ADAMTSL3: variants seen among roughly 807,000 people sequenced by gnomAD.
The protein encoded by ADAMTSL3 is ADAMTS-like protein 3.
ADAMTSL3 carries 128 observed loss-of-function variants against 201.7 expected under a neutral mutation model. That is an observed-to-expected ratio of 0.63 (90% CI 0.55 to 0.73). The LOEUF (loss-of-function observed/expected upper bound fraction) is 0.73. Ranked by LOEUF, ADAMTSL3 falls within the 30% of genes least tolerant of loss-of-function variation. The probability of loss-of-function intolerance (pLI) is 0.00; values close to 1 mark genes in which losing one functional copy is unlikely to be tolerated. For missense variants in ADAMTSL3, 1,990 were observed against 2,119.6 expected (o/e 0.94, Z 1.20); for synonymous variants, 738 against 748.4 (o/e 0.99, Z 0.23).
At chr15:83,733,574 G>A (rs143635172) in intron 3 of ADAMTSL3, among the ~76,000 whole-genome samples, 3,244 of 152,210 alleles carry the variant, frequency 0.021, 52 homozygotes, top group South Asian at 0.031. Context: ...AAGTTTGTGG[G>A]TCTAGAGGTT....
intron 2 of ADAMTSL3, among the ~76,000 whole-genome samples, chr15:83,693,722 A>G (rs189549033): frequency 1.3e-5 from 2 of 152,290 alleles, no homozygotes; most frequent in South Asian, 2.1e-4. Flanking sequence ...TTACTTCTCT[A>G]TTATGTTTAT....
intron 28 of ADAMTSL3, among the ~76,000 whole-genome samples, chr15:84,034,193 CT>C (rs137929976): frequency 0.012 from 1,898 of 152,268 alleles, 33 homozygotes; most frequent in African/African-American, 0.043. Flanking sequence ...TTTTAGCCCC[CT>C]TTTCCCCACA....
At chr15:83,838,286 C>A in intron 7 of ADAMTSL3, 71 bp downstream of exon 7, 1 of 1,515,234 alleles carries the variant, frequency 6.6e-7, no homozygotes, top group Non-Finnish European at 8.8e-7. Context: ...GCTAGAATAA[C>A]ATTTTCTGAA....
chr15:84,004,665 G>C (rs779636864), intron 23 of ADAMTSL3, among the ~76,000 whole-genome samples: 45 of 152,192 alleles, frequency 3.0e-4, no homozygotes, highest in Non-Finnish European at 5.0e-4. Context: ...TCCATGCTCT[G>C]GGCTCATTCT....
intron 5 of ADAMTSL3, among the ~76,000 whole-genome samples, chr15:83,811,199 G>T (rs1322451297): frequency 6.6e-6 from 1 of 152,148 alleles, no homozygotes; most frequent in Non-Finnish European, 1.5e-5. Context: ...AGGTTCCAGG[G>T]GTTAGGTCAT....
At chr15:84,005,281 G>T (rs2067873766) in intron 23 of ADAMTSL3, among the ~76,000 whole-genome samples, 1 of 152,156 alleles carries the variant, frequency 6.6e-6, no homozygotes, top group African/African-American at 2.4e-5. Context: ...CTGGCTAATA[G>T]CTATTTGTTC....
At chr15:83,655,266 G>T (rs2061063297) in intron 1 of ADAMTSL3, among the ~76,000 whole-genome samples, 1 of 152,204 alleles carries the variant, frequency 6.6e-6, no homozygotes, top group South Asian at 2.1e-4. Flanking sequence ...ACTATCAGAA[G>T]ATCTGCGTTT....
At chr15:83,766,812 T>TG (rs2062899327) in intron 3 of ADAMTSL3, among the ~76,000 whole-genome samples, 1 of 152,198 alleles carries the variant, frequency 6.6e-6, no homozygotes. Context: ...TTATAGATGA[T>TG]GGCTGGGCGT....
chr15:83,860,349 G>T (rs1432966858), intron 8 of ADAMTSL3, among the ~76,000 whole-genome samples: 1 of 152,192 alleles, frequency 6.6e-6, no homozygotes, highest in Non-Finnish European at 1.5e-5. Context: ...AACAAGCCTT[G>T]CTGCTAGCAC....
chr15:83,996,588 T>C (rs982907312), intron 23 of ADAMTSL3, among the ~76,000 whole-genome samples: 1 of 151,862 alleles, frequency 6.6e-6, no homozygotes, highest in Admixed American at 6.6e-5. Flanking sequence ...GAGACCATCC[T>C]GGCTAACATG....
intron 4 of ADAMTSL3, among the ~76,000 whole-genome samples, chr15:83,774,926 A>G (rs2063045971): frequency 6.6e-6 from 1 of 151,690 alleles, no homozygotes; most frequent in Non-Finnish European, 1.5e-5. Flanking sequence ...GGCTCACTGA[A>G]ACCTCTGTCT....
At chr15:83,866,124 C>G (rs376975897) in intron 8 of ADAMTSL3, among the ~76,000 whole-genome samples, 33 of 152,158 alleles carry the variant, frequency 2.2e-4, no homozygotes, top group East Asian at 1.4e-3. Context: ...TGCTGGAGAG[C>G]ATGTGGAGAA....
intron 3 of ADAMTSL3, chr15:83,739,943 G>A (rs562550197): frequency 1.8e-6 from 1 of 548,814 alleles, no homozygotes; most frequent in Non-Finnish European, 3.7e-6. Context: ...ACCTTCTTCA[G>A]TGAGATGGGT....
At chr15:83,864,864 C>G (rs1038166040) in intron 8 of ADAMTSL3, among the ~76,000 whole-genome samples, 17 of 152,166 alleles carry the variant, frequency 1.1e-4, no homozygotes, top group African/African-American at 3.6e-4. Context: ...TCTAGAAAAC[C>G]CCATCGTCTC....
intron 3 of ADAMTSL3, among the ~76,000 whole-genome samples, chr15:83,741,266 C>G (rs2062450446): frequency 6.6e-6 from 1 of 151,340 alleles, no homozygotes; most frequent in African/African-American, 2.4e-5. Context: ...TGGAATCCCA[C>G]AGGGTGTTTT....
intron 7 of ADAMTSL3, among the ~76,000 whole-genome samples, chr15:83,851,401 A>G (rs2064610119): frequency 6.6e-6 from 1 of 152,096 alleles, no homozygotes; most frequent in African/African-American, 2.4e-5. Context: ...GGGTTTCATT[A>G]AAGTGTGTAA....
At chr15:83,779,744 C>T (rs1429692110) in intron 4 of ADAMTSL3, among the ~76,000 whole-genome samples, 1 of 148,646 alleles carries the variant, frequency 6.7e-6, no homozygotes, top group African/African-American at 2.5e-5. Flanking sequence ...CAGACCACAG[C>T]ACAATCAAAT....
At chr15:83,742,785 A>G (rs937142035) in intron 3 of ADAMTSL3, among the ~76,000 whole-genome samples, 3 of 152,162 alleles carry the variant, frequency 2.0e-5, no homozygotes, top group East Asian at 1.9e-4. Context: ...TTCCTTTCCA[A>G]TGATTTTGCC....
chr15:83,886,116 G>C (rs945144903), intron 10 of ADAMTSL3, among the ~76,000 whole-genome samples: 2 of 152,184 alleles, frequency 1.3e-5, no homozygotes, highest in African/African-American at 4.8e-5. Flanking sequence ...CATCTTTCAT[G>C]CTCCGGTGGA....
Sources: allele counts gnomAD v4.1 joint callset (sites outside exome capture counted in the v4.1 genomes callset), GRCh38; gene constraint gnomAD v4.1.1; transcripts MANE v1.5; gene names NCBI Gene and HGNC (gene_info 2026-07-23, HGNC 2026-07-21).